Variants in SNTG1 observed in about 807,000 individuals in gnomAD.
SNTG1 encodes the protein syntrophin gamma 1.
In SNTG1, 39 loss-of-function variants were observed where a neutral mutation model predicts 74.7. The observed-to-expected ratio is 0.52, with a 90% CI of 0.40 to 0.68. SNTG1 has a LOEUF of 0.68. Among genes scored for constraint, SNTG1 ranks in the 30% least tolerant of loss-of-function variants. SNTG1 has a pLI of 0.00. For missense variants in SNTG1, 685 were observed against 609.5 expected, an observed-to-expected ratio of 1.12 and a Z score of -1.30; for synonymous variants, 254 against 217.1, an observed-to-expected ratio of 1.17 and a Z score of -1.49.
At chr8:50,566,472 G>A (rs2094517338) in intron 12 of SNTG1, among the ~76,000 whole-genome samples, 1 of 151,950 alleles carries the variant, frequency 6.6e-6, no homozygotes, top group Non-Finnish European at 1.5e-5. Context: ...CAACGTTTGT[G>A]ATATTAATTG....
intron 13 of SNTG1, among the ~76,000 whole-genome samples, chr8:50,601,385 G>C (rs1440129423): frequency 6.6e-6 from 1 of 151,922 alleles, no homozygotes; most frequent in Non-Finnish European, 1.5e-5. Context: ...TTGACCAACT[G>C]GTCATTCAGG....
At chr8:50,006,832 A>G (rs1368306282) in intron 1 of SNTG1, among the ~76,000 whole-genome samples, 1 of 152,114 alleles carries the variant, frequency 6.6e-6, no homozygotes, top group Non-Finnish European at 1.5e-5. Flanking sequence ...TTGTCAAGCT[A>G]CGTCTGCCAG....
At chr8:50,162,111 C>A (rs147403311) in intron 1 of SNTG1, among the ~76,000 whole-genome samples, 1 of 152,216 alleles carries the variant, frequency 6.6e-6, no homozygotes, top group East Asian at 1.9e-4. Flanking sequence ...GACTTGACTG[C>A]CACTTGCTTG....
At chr8:50,620,142 C>T (rs546527353) in intron 13 of SNTG1, among the ~76,000 whole-genome samples, 3 of 152,226 alleles carry the variant, frequency 2.0e-5, no homozygotes, top group African/African-American at 4.8e-5. Context: ...TCCTGCTGTT[C>T]TTGTGGTTGA....
chr8:50,422,085 G>A (rs1587564105), intron 4 of SNTG1, among the ~76,000 whole-genome samples: 2 of 152,144 alleles, frequency 1.3e-5, no homozygotes, highest in South Asian at 2.1e-4. Flanking sequence ...GAAAGGAGAG[G>A]CCTGATTGCA....
intron 1 of SNTG1, among the ~76,000 whole-genome samples, chr8:50,061,197 G>T (rs1820441795): frequency 6.6e-6 from 1 of 152,052 alleles, no homozygotes; most frequent in African/African-American, 2.4e-5. Flanking sequence ...CTGGGGGAAA[G>T]ATTTTAAATT....
chr8:50,481,237 C>A (rs1048517976), intron 8 of SNTG1, among the ~76,000 whole-genome samples: 2 of 152,026 alleles, frequency 1.3e-5, no homozygotes, highest in Non-Finnish European at 2.9e-5. Context: ...AAAAATTAGC[C>A]GGGTATGGTG....
At chr8:50,345,048 CTGATA>C (rs2091432136) in intron 2 of SNTG1, among the ~76,000 whole-genome samples, 7 of 152,182 alleles carry the variant, frequency 4.6e-5, no homozygotes, top group African/African-American at 1.4e-4. Flanking sequence ...ACCAGACCTG[CTGATA>C]CCTTAATCTT....
intron 8 of SNTG1, among the ~76,000 whole-genome samples, chr8:50,499,488 C>T (rs1303733941): frequency 3.3e-5 from 5 of 149,942 alleles, no homozygotes; most frequent in African/African-American, 1.2e-4. Flanking sequence ...CAGATAGAGG[C>T]TTTTATTCCT....
At chr8:50,709,010 G>A in intron 17 of SNTG1, 32 bp downstream of exon 17, 1 of 1,457,310 alleles carries the variant, frequency 6.9e-7, no homozygotes, top group African/African-American at 1.4e-5. Flanking sequence ...TGAGAAATAT[G>A]CTGCAAACAT....
chr8:50,581,934 A>G (rs541531599), intron 12 of SNTG1, among the ~76,000 whole-genome samples: 1 of 152,312 alleles, frequency 6.6e-6, no homozygotes, highest in African/African-American at 2.4e-5. Context: ...TGCAAAGGAT[A>G]AGATGCTTGA....
intron 15 of SNTG1, among the ~76,000 whole-genome samples, chr8:50,669,257 G>T (rs897710799): frequency 6.6e-6 from 1 of 151,870 alleles, no homozygotes; most frequent in African/African-American, 2.4e-5. Context: ...CCAGGAGATG[G>T]TTTTTTCAAA....
intron 11 of SNTG1, among the ~76,000 whole-genome samples, chr8:50,540,242 A>G (rs1424350668): frequency 2.0e-5 from 3 of 152,152 alleles, no homozygotes; most frequent in Non-Finnish European, 4.4e-5. Context: ...ATAATGTTTT[A>G]TTTTTTGTTA....
At chr8:50,595,107 T>G (rs1057301305) in intron 13 of SNTG1, among the ~76,000 whole-genome samples, 2 of 151,818 alleles carry the variant, frequency 1.3e-5, no homozygotes, top group South Asian at 2.1e-4. Flanking sequence ...TCTTTATTTT[T>G]GGGGAATGTC....
intron 12 of SNTG1, among the ~76,000 whole-genome samples, chr8:50,585,545 C>A (rs1005196087): frequency 1.3e-5 from 2 of 152,064 alleles, no homozygotes; most frequent in African/African-American, 4.8e-5. Context: ...TTTTGAAAAA[C>A]ACTGATTTGT....
At chr8:50,222,727 G>A (rs1289105338) in intron 2 of SNTG1, among the ~76,000 whole-genome samples, 1 of 152,156 alleles carries the variant, frequency 6.6e-6, no homozygotes, top group Non-Finnish European at 1.5e-5. Context: ...GATGCAGACA[G>A]ACCCTCAGCG....
chr8:50,390,584 A>T (rs533887145), intron 2 of SNTG1, among the ~76,000 whole-genome samples: 1 of 152,336 alleles, frequency 6.6e-6, no homozygotes, highest in African/African-American at 2.4e-5. Flanking sequence ...ACTTCAAAGT[A>T]GTTTTTCCCA....
chr8:49,935,082 A>G (rs946925126), intron 1 of SNTG1, among the ~76,000 whole-genome samples: 4 of 152,162 alleles, frequency 2.6e-5, no homozygotes. Flanking sequence ...TGTCTAGATC[A>G]TTGGTTAATA....
At chr8:50,189,563 ACT>A (rs1484831742) in intron 2 of SNTG1, among the ~76,000 whole-genome samples, 9 of 152,184 alleles carry the variant, frequency 5.9e-5, no homozygotes, top group Non-Finnish European at 8.8e-5. Flanking sequence ...GTCCCTGATA[ACT>A]CTCTGTTTTG....
Sources: gnomAD v4.1 joint callset for allele counts (sites outside exome capture counted in the v4.1 genomes callset) on GRCh38, gnomAD v4.1.1 for gene constraint, MANE v1.5 for transcripts, NCBI Gene and HGNC (gene_info 2026-07-23, HGNC 2026-07-21) for gene names.